The following DLGAP1 variants were observed in gnomAD, a reference collection of about 807,000 sequenced individuals.
The protein encoded by DLGAP1 is disks large-associated protein 1.
DLGAP1 carries 11 observed loss-of-function variants against 90.8 expected under a neutral mutation model. That is an observed-to-expected ratio of 0.12 (90% CI 0.08 to 0.20). The LOEUF is 0.20. DLGAP1 is among the 10% of genes least tolerant of loss of function. DLGAP1 has a pLI of 1.00. For synonymous variants in DLGAP1, 558 were observed against 540.7 expected (o/e 1.03, Z -0.44); for missense variants, 1,050 against 1,333.8 (o/e 0.79, Z 3.31).
chr18:3,812,413 C>G (rs920251493), intron 5 of DLGAP1, among the ~76,000 whole-genome samples: 2 of 150,988 alleles, frequency 1.3e-5, no homozygotes, highest in Non-Finnish European at 2.9e-5. Flanking sequence ...TGTTTTGGGT[C>G]CAATTCTGTT....
intron 7 of DLGAP1, among the ~76,000 whole-genome samples, chr18:3,663,270 TA>T (rs377367189): frequency 5.1e-4 from 73 of 143,326 alleles, no homozygotes; most frequent in Non-Finnish European, 5.1e-4. Flanking sequence ...AGACTCCCCC[TA>T]AAAAAAAAAA....
At chr18:3,641,053 A>G (rs1233143943) in intron 7 of DLGAP1, among the ~76,000 whole-genome samples, 1 of 152,174 alleles carries the variant, frequency 6.6e-6, no homozygotes, top group Non-Finnish European at 1.5e-5. Context: ...ACTGTACAAA[A>G]CATTTTCTTC....
At chr18:4,219,027 G>GTTTTTTTTTTTTTTTTTTT (rs34333673) in intron 1 of DLGAP1, among the ~76,000 whole-genome samples, 1 of 92,022 alleles carries the variant, frequency 1.1e-5, no homozygotes, top group Non-Finnish European at 2.1e-5. Context: ...TTCTATCTTT[G>GTTTTTTTTTTTTTTTTTTT]TTTTTTTTTT....
At chr18:3,626,767 G>T (rs553246103) in intron 7 of DLGAP1, among the ~76,000 whole-genome samples, 1 of 151,720 alleles carries the variant, frequency 6.6e-6, no homozygotes, top group African/African-American at 2.4e-5. Flanking sequence ...TTGTGGTGGC[G>T]TGCACCTGTA....
intron 1 of DLGAP1, among the ~76,000 whole-genome samples, chr18:4,178,352 C>T (rs2077151514): frequency 6.6e-6 from 1 of 151,926 alleles, no homozygotes; most frequent in Non-Finnish European, 1.5e-5. Context: ...GAACTATAAG[C>T]ACACACCACT....
chr18:4,422,605 G>A (rs1388796218), intron 1 of DLGAP1, among the ~76,000 whole-genome samples: 2 of 151,784 alleles, frequency 1.3e-5, no homozygotes, highest in East Asian at 3.8e-4. Context: ...GATATGAATT[G>A]TCTTCTGATA....
At chr18:3,895,439 T>A (rs545935839) in intron 3 of DLGAP1, among the ~76,000 whole-genome samples, 1 of 152,314 alleles carries the variant, frequency 6.6e-6, no homozygotes, top group South Asian at 2.1e-4. Context: ...TATGTCAATA[T>A]GCTTTTTCCC....
intron 2 of DLGAP1, among the ~76,000 whole-genome samples, chr18:4,118,908 T>C (rs1366921609): frequency 6.6e-6 from 1 of 152,206 alleles, no homozygotes; most frequent in Non-Finnish European, 1.5e-5. Context: ...AATGGATGTT[T>C]ACTGGGGAGA....
intron 3 of DLGAP1, among the ~76,000 whole-genome samples, chr18:3,943,793 A>G (rs1028060067): frequency 2.0e-5 from 3 of 152,172 alleles, no homozygotes; most frequent in African/African-American, 7.2e-5. Context: ...TTAAAGAGGC[A>G]ATTAGGTTCA....
intron 4 of DLGAP1, among the ~76,000 whole-genome samples, chr18:3,838,785 T>C (rs541614944): frequency 2.6e-5 from 4 of 152,218 alleles, no homozygotes; most frequent in Non-Finnish European, 5.9e-5. Flanking sequence ...AAGAAAATAA[T>C]TGTTAATCTT....
chr18:4,014,658 C>T (rs1425284157), intron 2 of DLGAP1, among the ~76,000 whole-genome samples: 1 of 152,002 alleles, frequency 6.6e-6, no homozygotes, highest in Non-Finnish European at 1.5e-5. Flanking sequence ...TATCACATAT[C>T]CCCCCAAAAT....
intron 5 of DLGAP1, among the ~76,000 whole-genome samples, chr18:3,787,715 G>T (rs921963731): frequency 2.6e-5 from 4 of 151,992 alleles, no homozygotes; most frequent in African/African-American, 9.7e-5. Context: ...TATGCAAAAT[G>T]TGGGCTTCCT....
chr18:3,611,475 A>C (rs1233062192), intron 7 of DLGAP1, among the ~76,000 whole-genome samples: 3 of 152,024 alleles, frequency 2.0e-5, no homozygotes, highest in Non-Finnish European at 4.4e-5. Flanking sequence ...CTGTCTCCAG[A>C]TTCCCTACGT....
chr18:4,096,017 A>C (rs926059659), intron 2 of DLGAP1, among the ~76,000 whole-genome samples: 1 of 152,066 alleles, frequency 6.6e-6, no homozygotes, highest in African/African-American at 2.4e-5. Context: ...CAGAATGTGG[A>C]ATCTATGTTT....
At chr18:4,064,567 T>G (rs548886817) in intron 2 of DLGAP1, among the ~76,000 whole-genome samples, 1 of 152,218 alleles carries the variant, frequency 6.6e-6, no homozygotes, top group South Asian at 2.1e-4. Context: ...TATGAACACC[T>G]TTATGCACAT....
At chr18:4,368,462 A>G (rs915091233) in intron 1 of DLGAP1, among the ~76,000 whole-genome samples, 1 of 152,156 alleles carries the variant, frequency 6.6e-6, no homozygotes, top group African/African-American at 2.4e-5. Flanking sequence ...AGGCCTTAAG[A>G]AAAAGAAGGA....
intron 1 of DLGAP1, among the ~76,000 whole-genome samples, chr18:4,255,919 T>C (rs937536291): frequency 6.6e-6 from 1 of 152,160 alleles, no homozygotes; most frequent in African/African-American, 2.4e-5. Context: ...ATTTGGTTTC[T>C]TTAGTGAGAG....
chr18:4,094,607 C>CTTTCTT, intron 2 of DLGAP1, among the ~76,000 whole-genome samples: 1 of 124,826 alleles, frequency 8.0e-6, no homozygotes, highest in South Asian at 2.5e-4. Context: ...CTTTCTCTTT[C>CTTTCTT]TTTTTTTTTT....
intron 3 of DLGAP1, among the ~76,000 whole-genome samples, chr18:3,999,468 A>T (rs569460887): frequency 1.3e-5 from 2 of 152,156 alleles, no homozygotes; most frequent in African/African-American, 2.4e-5. Context: ...GCATGCAAAC[A>T]TCGTCACATC....
Sources: allele counts gnomAD v4.1 joint callset (sites outside exome capture counted in the v4.1 genomes callset), GRCh38; gene constraint gnomAD v4.1.1; transcripts MANE v1.5; gene names NCBI Gene and HGNC (gene_info 2026-07-23, HGNC 2026-07-21).